The following ANKMY1 variants were observed in gnomAD, a reference collection of about 807,000 sequenced individuals.
ANKMY1 encodes the protein ankyrin repeat and MYND domain-containing protein 1.
In ANKMY1, 98 loss-of-function variants were observed where a neutral mutation model predicts 102.0. The observed-to-expected ratio is 0.96, with a 90% CI of 0.82 to 1.14. The LOEUF is 1.14. Ranked by LOEUF, ANKMY1 falls within the 50% of genes most tolerant of loss-of-function variation. ANKMY1 has a pLI of 0.00. For missense variants in ANKMY1, 1,330 were observed against 1,347.6 expected (o/e 0.99, Z 0.20); for synonymous variants, 582 against 559.9 (o/e 1.04, Z -0.56).
At chr2:240,538,688 C>T (rs368432019) in intron 4 of ANKMY1, among the ~76,000 whole-genome samples, 13 of 152,180 alleles carry the variant, frequency 8.5e-5, no homozygotes, top group African/African-American at 2.9e-4. Context: ...GCACCTCCCC[C>T]AGTGGCCCTG....
intron 15 of ANKMY1, among the ~76,000 whole-genome samples, chr2:240,490,248 T>C (rs2076491373): frequency 6.6e-6 from 1 of 152,216 alleles, no homozygotes; most frequent in Non-Finnish European, 1.5e-5. Context: ...TCATTGATTC[T>C]CTGTATTTTT....
In ANKMY1 at chr2:240,552,942, G is replaced by C. The variant is rs2091776927; in HGVS notation, c.452C>G (p.Thr151Ser). ...GAAAAGCCGTGTCTTCATGTACATG[G>C]TGCCGTAGCCTTCTCGGTGGCTGAG... is the stretch of plus-strand genomic sequence containing the variant. Reference protein sequence around the residue: ...FYLSHREGYGTMYMKTRLFQG... With the variant: ...FYLSHREGYGSMYMKTRLFQG... Residue 151 changes from threonine (T) to serine (S), a missense_variant, in exon 4 of 18, where the codon ACC (threonine) becomes AGC (serine). Transcript: ENST00000401804. The C allele has an allele frequency of 6.2e-7, 1 of 1,613,934 alleles. No individual in the cohort carries two copies. Among genetic ancestry groups the C allele is most frequent in the East Asian group, 2.2e-5 (1 of 44,870 alleles).
At chr2:240,538,355 C>T (rs1416059060) in intron 4 of ANKMY1, among the ~76,000 whole-genome samples, 1 of 152,092 alleles carries the variant, frequency 6.6e-6, no homozygotes, top group Non-Finnish European at 1.5e-5. Flanking sequence ...GGCGTGGGCT[C>T]GGGGGGCCCA....
chr2:240,521,689 G>A (rs2082313548), intron 8 of ANKMY1, among the ~76,000 whole-genome samples: 5 of 151,814 alleles, frequency 3.3e-5, no homozygotes, highest in Non-Finnish European at 5.9e-5. Context: ...TAGTAGAGAC[G>A]GGGTTTCACC....
chr2:240,507,418 C>A, intron 13 of ANKMY1, 142 bp downstream of exon 13: 1 of 958,976 alleles, frequency 1.0e-6, no homozygotes, highest in Non-Finnish European at 1.4e-6. Context: ...CCAGGGCCAC[C>A]CAGCCCTTAT....
chr2:240,487,724 G>A (rs1229724882), intron 15 of ANKMY1, among the ~76,000 whole-genome samples: 1 of 151,724 alleles, frequency 6.6e-6, no homozygotes, highest in African/African-American at 2.4e-5. Context: ...TTTTTTTTAG[G>A]CATAAGACGA....
chr2:240,526,899 A>T, intron 5 of ANKMY1: 2 of 1,133,826 alleles, frequency 1.8e-6, no homozygotes, highest in Non-Finnish European at 2.2e-6. Flanking sequence ...CTTACTCATC[A>T]CACAACACTG....
At chr2:240,496,313 C>T (rs1043042265) in intron 15 of ANKMY1, among the ~76,000 whole-genome samples, 4 of 151,812 alleles carry the variant, frequency 2.6e-5, no homozygotes, top group Non-Finnish European at 5.9e-5. Flanking sequence ...AATATTCTTC[C>T]TGCTTCTTTC....
chr2:240,540,549 T>G (rs2088447159), intron 4 of ANKMY1, among the ~76,000 whole-genome samples: 1 of 152,304 alleles, frequency 6.6e-6, no homozygotes, highest in Non-Finnish European at 1.5e-5. Context: ...TCACCATGAT[T>G]GCTTCCTTAC....
chr2:240,520,366 G>T lies in ANKMY1; in HGVS notation c.2000C>A (p.Pro667Gln). Residue 667 changes from proline (P) to glutamine (Q), a missense_variant, in exon 9 of 18, where the codon CCG becomes CAG. Physicochemically the swap from Pro to Gln is moderately conservative, Grantham distance 76. Coordinates refer to ENST00000401804, the MANE Select transcript of ANKMY1 (RefSeq NM_001282771.3). This position sits in a 1 kb window ranked among gnomAD's most constrained non-coding sequence, Gnocchi z 4.8. ...CCCGCCCGCCGCGGCTCCTACCTGC[G>T]GCGGAAAGCAGATGTCGGTCCTCGC... ...HGARTDICFP[P>Q]QLSTLTPLHI... The T allele has an allele frequency of 1.9e-6, 3 of 1,548,512 alleles. No individual in the cohort carries two copies. The highest frequency in any genetic ancestry group is 2.6e-6 in the Non-Finnish European group (3 of 1,145,154).
At chr2:240,484,554 AAG>A (rs1213506052) in intron 15 of ANKMY1, among the ~76,000 whole-genome samples, 1 of 152,166 alleles carries the variant, frequency 6.6e-6, no homozygotes, top group Non-Finnish European at 1.5e-5. Context: ...AAATTAACTC[AAG>A]ATGGATTAAA....
intron 15 of ANKMY1, among the ~76,000 whole-genome samples, chr2:240,493,849 G>A (rs2076923079): frequency 1.3e-5 from 2 of 152,198 alleles, no homozygotes; most frequent in Admixed American, 1.3e-4. Context: ...AATGCCAGCA[G>A]TGGCTGCAAT....
downstream of ANKMY1, among the ~76,000 whole-genome samples, chr2:240,478,085 TTGAA>T (rs200624498): frequency 8.0e-3 from 1,218 of 152,254 alleles, 17 homozygotes; most frequent in African/African-American, 0.028. Flanking sequence ...TCTGGCTGTT[TTGAA>T]AAGTGTGTGG....
In ANKMY1 at chr2:240,481,456, G is replaced by T. The variant is rs1322803364; in HGVS notation, c.2886-359C>A. Reference sequence around the variant, plus strand: ...CACATAGGGAAATGTCTGTGGTACAGTGTTGCATGGGAGAAGTGACTCTTC... The same window carrying T: ...CACATAGGGAAATGTCTGTGGTACATTGTTGCATGGGAGAAGTGACTCTTC... On this transcript the variant is annotated intron_variant, in intron 16 of 17. Coordinates refer to ENST00000401804, the MANE Select transcript of ANKMY1 (RefSeq NM_001282771.3). Among the ~76,000 whole-genome samples the T allele has an allele frequency of 2.6e-5, 4 of 152,346 alleles. No individual in the cohort carries two copies. In the East Asian group the frequency reaches 7.7e-4, roughly 29 times the overall value.
chr2:240,481,398 G>A lies in ANKMY1; in HGVS notation c.2886-301C>T, dbSNP rs186111670. Among the ~76,000 whole-genome samples the A allele has an allele frequency of 3.2e-3, 489 of 152,306 alleles. 2 individuals are homozygous for A. Among genetic ancestry groups the A allele is most frequent in the African/African-American group, 0.011 (473 of 41,550 alleles). ...CACATCCATTCAGGAGACCGCCGTG[G>A]GGCCACACACACGATGGTGCGGAAC... is the stretch of plus-strand genomic sequence containing the variant. On this transcript the variant is annotated intron_variant, in intron 16 of 17. Transcript: ENST00000401804.
chr2:240,524,264 G>T lies in ANKMY1; in HGVS notation c.1453C>A (p.Pro485Thr). Residue 485 changes from proline (P) to threonine (T), a missense_variant, in exon 8 of 18, where the codon CCG becomes ACG. Coordinates refer to ENST00000401804, the MANE Select transcript of ANKMY1 (RefSeq NM_001282771.3). ...CGTGGCAGGAGCAGTGGTGCTGGCG[G>T]TGGCCTCAGCTCATAGCTACCCTGG... ...PSQGSYELRP[P>T]PAPLLLPRVS... is the part of the protein sequence containing the mutation. The T allele has an allele frequency of 6.2e-7, 1 of 1,613,874 alleles. No homozygotes were observed.
intron 9 of ANKMY1, among the ~76,000 whole-genome samples, chr2:240,517,277 C>G (rs1346685846): frequency 6.6e-6 from 1 of 152,144 alleles, no homozygotes; most frequent in Admixed American, 6.6e-5. Context: ...TGGCCTCATA[C>G]CTTGTCTATG....
chr2:240,505,441 AAC>A (rs1304156485), intron 13 of ANKMY1, among the ~76,000 whole-genome samples: 1 of 151,896 alleles, frequency 6.6e-6, no homozygotes, highest in Non-Finnish European at 1.5e-5. Flanking sequence ...CAGCCTGGGT[AAC>A]AGAGTGAGAC....
chr2:240,550,632 GTTATATTAGAA>G, intron 4 of ANKMY1, among the ~76,000 whole-genome samples: 1 of 152,138 alleles, frequency 6.6e-6, no homozygotes, highest in Non-Finnish European at 1.5e-5. Flanking sequence ...AGGCTTATTT[GTTATATTAGAA>G]TTATACCGGA....
Sources: allele counts gnomAD v4.1 joint callset (sites outside exome capture counted in the v4.1 genomes callset), GRCh38; gene constraint gnomAD v4.1.1; non-coding constraint Gnocchi (gnomAD v3.1); transcripts MANE v1.5; gene names NCBI Gene and HGNC (gene_info 2026-07-23, HGNC 2026-07-21).